The following PXDN variants were observed in gnomAD, a reference collection of about 807,000 sequenced individuals.
The protein encoded by PXDN is peroxidasin.
PXDN carries 77 observed loss-of-function variants against 140.3 expected under a neutral mutation model. The observed-to-expected ratio is 0.55, with a 90% CI of 0.46 to 0.66. PXDN has a LOEUF of 0.66. Ranked by LOEUF, PXDN falls within the 30% of genes least tolerant of loss-of-function variation. PXDN has a pLI of 0.00. For synonymous variants in PXDN, 911 were observed against 857.4 expected (o/e 1.06, Z -1.09); for missense variants, 1,838 against 2,039.5 (o/e 0.90, Z 1.90).
rs151140644 is a variant in PXDN, at chr2:1,705,470, C to T, written c.201-12336G>A. 6.5e-3 allele frequency among the ~76,000 whole-genome samples: 938 copies of T among 143,744 alleles called. 10 individuals carry two copies. Among genetic ancestry groups the T allele is most frequent in the African/African-American group, 0.023 (893 of 38,096 alleles). 94.3% of individuals were successfully genotyped at this position (143,744 alleles called of 152,430 possible). The stretch of plus-strand genomic sequence containing the variant: ...CTGGGATGCAGGGTGCAGCTGCCCA[C>T]GACCTGGGACACAGGGTGCAGGGTG... On this transcript the variant is annotated intron_variant, in intron 1 of 22. Transcript: ENST00000252804.
chr2:1,733,048 T>TA (rs1685347012), intron 1 of PXDN, among the ~76,000 whole-genome samples: 1 of 151,864 alleles, frequency 6.6e-6, no homozygotes, highest in East Asian at 1.9e-4. Flanking sequence ...ATGAAACACA[T>TA]AGAGAAAAAG....
intron 1 of PXDN, among the ~76,000 whole-genome samples, chr2:1,719,060 C>G (rs917819027): frequency 6.6e-6 from 1 of 152,262 alleles, no homozygotes; most frequent in African/African-American, 2.4e-5. Flanking sequence ...CGAGCTGAGA[C>G]GCCAGGGGCC....
chr2:1,671,932 A>G (rs191207704), intron 9 of PXDN: 187 of 152,368 alleles, frequency 1.2e-3, no homozygotes, highest in African/African-American at 4.3e-3. Context: ...AATCATAGAC[A>G]ATGACGCCTG....
Position 1,648,991 on chromosome 2 carries a change from G to A in PXDN, c.2789C>T (p.Ala930Val), listed in dbSNP as rs1131691798. The A allele has an allele frequency of 1.2e-6, 2 of 1,611,212 alleles. No homozygotes were observed. The highest frequency in any genetic ancestry group is 1.7e-5 in the Admixed American group (1 of 59,952). The change falls in exon 17 of 23, where the codon GCC becomes GTC. Residue 930 changes from alanine (A) to valine (V), a missense_variant. Physicochemically the swap from Ala to Val is moderately conservative, Grantham distance 64. This residue lies in a region of PXDN where 850 missense variants were observed against 894.1 expected (regional missense o/e 0.95). Transcript: ENST00000252804. This position sits in a 1 kb window ranked among gnomAD's most constrained non-coding sequence, Gnocchi z 8.9. ...CTGCCGCAGCAGGCCGCGGTGGCTG[G>A]CCAGGTCGCGGATGCTGCGGGCCTC... ...EHEARSIRDL[A>V]SHRGLLRQGI...
At chr2:1,690,267 G>C (rs979388248) in intron 3 of PXDN, among the ~76,000 whole-genome samples, 1 of 152,162 alleles carries the variant, frequency 6.6e-6, no homozygotes, top group African/African-American at 2.4e-5. Flanking sequence ...ACTGGCCTGT[G>C]CTTCTTCCAC....
intron 21 of PXDN, chr2:1,636,726 G>A (rs1682569997): frequency 6.7e-6 from 1 of 150,148 alleles, no homozygotes; most frequent in South Asian, 2.1e-4. Flanking sequence ...CTCAGGAACA[G>A]TGGCACAGGG....
At chr2:1,694,559 G>A (rs938701883) in intron 1 of PXDN, among the ~76,000 whole-genome samples, 4 of 152,158 alleles carry the variant, frequency 2.6e-5, no homozygotes, top group Admixed American at 6.5e-5. Context: ...CCGTGCCCTC[G>A]CACCCGGGTT....
At chr2:1,663,429 AATGAGCTACT>A (rs1054661525) in intron 12 of PXDN, among the ~76,000 whole-genome samples, 166 bp downstream of exon 12, 1 of 152,218 alleles carries the variant, frequency 6.6e-6, no homozygotes, top group Non-Finnish European at 1.5e-5. Flanking sequence ...ACAGAGATTG[AATGAGCTACT>A]ATGCAGACAC....
intron 1 of PXDN, among the ~76,000 whole-genome samples, chr2:1,731,152 GCACACACA>G (rs72079011): frequency 5.1e-5 from 7 of 135,968 alleles, no homozygotes; most frequent in Non-Finnish European, 9.7e-5. Flanking sequence ...GAGCGCGCGC[GCACACACA>G]CACACACACA....
chr2:1,724,438 T>C (rs1384982249), intron 1 of PXDN, among the ~76,000 whole-genome samples: 1 of 151,742 alleles, frequency 6.6e-6, no homozygotes, highest in Non-Finnish European at 1.5e-5. Context: ...CTTGTGAAAC[T>C]TGTGACCACT....
chr2:1,702,183 C>T (rs565120478), intron 1 of PXDN, among the ~76,000 whole-genome samples: 4 of 152,306 alleles, frequency 2.6e-5, no homozygotes, highest in Non-Finnish European at 4.4e-5. Flanking sequence ...CCTGGAGTAT[C>T]GCAAATACCT....
intron 6 of PXDN, 27 bp downstream of exon 6, chr2:1,683,629 A>G: frequency 7.1e-7 from 1 of 1,405,734 alleles, no homozygotes; most frequent in Non-Finnish European, 9.5e-7. Context: ...TTTGCAGCAA[A>G]GAAAACACAA....
In PXDN at chr2:1,671,586, G is replaced by A. The variant is rs141395680; in HGVS notation, c.1018+2057C>T. On this transcript the variant is annotated intron_variant, in intron 9 of 22. Coordinates refer to ENST00000252804, the MANE Select transcript of PXDN (RefSeq NM_012293.3). ...GAAGCAAAAAGCACTGATAGAGATAGAAGTGTTACTGATCAAAAATGTAAT... is the reference window on the plus strand; with the variant it reads ...GAAGCAAAAAGCACTGATAGAGATAAAAGTGTTACTGATCAAAAATGTAAT... Among the ~76,000 whole-genome samples, 1,142 of 152,288 alleles carry A rather than the reference G, an allele frequency of 7.5e-3. 22 individuals are homozygous for A. The highest frequency in any genetic ancestry group is 0.026 in the African/African-American group (1,097 of 41,554).
intron 8 of PXDN, among the ~76,000 whole-genome samples, chr2:1,674,695 A>G (rs1683655220): frequency 6.6e-6 from 1 of 152,218 alleles, no homozygotes; most frequent in Admixed American, 6.5e-5. Flanking sequence ...TGCCACTGAG[A>G]TCCCAGTCTA....
chr2:1,738,800 G>A (rs1176552719), intron 1 of PXDN, among the ~76,000 whole-genome samples: 1 of 152,132 alleles, frequency 6.6e-6, no homozygotes, highest in African/African-American at 2.4e-5. Context: ...GCCCGCCTTG[G>A]CCTCCCAAAG....
At chr2:1,663,486 CAG>C (rs1683353963) in intron 12 of PXDN, 117 bp downstream of exon 12, 1 of 1,374,074 alleles carries the variant, frequency 7.3e-7, no homozygotes, top group Non-Finnish European at 1.0e-6. Context: ...GCACAAAATG[CAG>C]AGAGAACAGC....
At chr2:1,682,056 C>T (rs1683920388) in intron 6 of PXDN, among the ~76,000 whole-genome samples, 2 of 152,204 alleles carry the variant, frequency 1.3e-5, no homozygotes, top group African/African-American at 4.8e-5. Context: ...GTAAATCTAT[C>T]ACAGAATCTC....
At chr2:1,638,604 C>G (rs1043893418) in intron 21 of PXDN, among the ~76,000 whole-genome samples, 1 of 152,176 alleles carries the variant, frequency 6.6e-6, no homozygotes. Context: ...GTCACACGGC[C>G]GTGACACAGA....
Position 1,651,223 on chromosome 2 carries a change from A to G in PXDN, c.2105-1548T>C, listed in dbSNP as rs773945801. 6.6e-6 allele frequency among the ~76,000 whole-genome samples: 1 copy of G among 152,120 alleles called. No homozygotes were observed. The highest frequency in any genetic ancestry group is 2.4e-5 in the African/African-American group (1 of 41,430). The stretch of plus-strand genomic sequence containing the variant: ...CAAGAAAGCAGAGTGCCAGGAGGAA[A>G]AGCACTTCCTCCCAAATGCCTGGCT... On this transcript the variant is annotated intron_variant, in intron 16 of 22. Transcript: ENST00000252804. The surrounding 1 kb of genome is among the most constrained non-coding windows in gnomAD (Gnocchi z 4.4).
Sources: gnomAD v4.1 joint callset for allele counts (sites outside exome capture counted in the v4.1 genomes callset) on GRCh38, gnomAD v4.1.1 for gene constraint, gnomAD v4.1.1 regional missense constraint, Gnocchi (gnomAD v3.1) non-coding constraint, MANE v1.5 for transcripts, NCBI Gene and HGNC (gene_info 2026-07-23, HGNC 2026-07-21) for gene names.